Variants in KBTBD12 observed in about 807,000 individuals in gnomAD.
The protein encoded by KBTBD12 is kelch repeat and BTB domain-containing protein 12.
A neutral mutation model predicts 58.7 loss-of-function variants in KBTBD12; 53 were observed. The observed-to-expected ratio is 0.90, with a 90% confidence interval of 0.72 to 1.14. The LOEUF (loss-of-function observed/expected upper bound fraction) is 1.14, where lower values mean the gene tolerates loss of function less well. Among genes scored for constraint, KBTBD12 ranks in the 50% most tolerant of loss-of-function variants. The pLI is 0.00. For missense variants in KBTBD12, 704 were observed against 751.3 expected, an observed-to-expected ratio of 0.94 and a Z score of 0.74; for synonymous variants, 236 against 259.8, an observed-to-expected ratio of 0.91 and a Z score of 0.88.
In KBTBD12 at chr3:127,917,053, T is replaced by G. The variant is rs184117970; in HGVS notation, c.-113+1467T>G. 1.1e-4 allele frequency among the ~76,000 whole-genome samples: 17 copies of G among 152,322 alleles called. No individual in the cohort carries two copies. In the East Asian group the frequency reaches 1.9e-3, roughly 17 times the overall value. Reference sequence around the variant, plus strand: ...TAACCAAGAGGTATGTGGAGACTTCTCCCCATCAGCAACCAATCACTTAGT... The same window carrying G: ...TAACCAAGAGGTATGTGGAGACTTCGCCCCATCAGCAACCAATCACTTAGT... On this transcript the variant is annotated intron_variant, in intron 1 of 5. Transcript: ENST00000405109.
At chr3:127,915,997 C>T (rs1230349711) in intron 1 of KBTBD12, among the ~76,000 whole-genome samples, 3 of 152,326 alleles carry the variant, frequency 2.0e-5, no homozygotes, top group East Asian at 3.9e-4. Flanking sequence ...GTTTAATAAA[C>T]CCTGAATGTA....
chr3:127,963,630 A>AGGGTGTT, intron 5 of KBTBD12: 1 of 457,914 alleles, frequency 2.2e-6, no homozygotes, highest in East Asian at 3.9e-5. Context: ...ACCACCCTGA[A>AGGGTGTT]CACACCTGGT....
chr3:127,949,869 T>C (rs112942438), intron 4 of KBTBD12, among the ~76,000 whole-genome samples: 1,705 of 151,998 alleles, frequency 0.011, 17 homozygotes, highest in Non-Finnish European at 0.015. Flanking sequence ...GGGGAAGGAG[T>C]TGGAAACTGA....
In KBTBD12 at chr3:127,984,233, C is replaced by T. The variant is rs1254229187; in HGVS notation, c.1827C>T (p.Leu609=). 1.9e-6 allele frequency: 3 copies of T among 1,613,966 alleles called. No individual in the cohort carries two copies. The highest frequency in any genetic ancestry group is 1.7e-5 in the Admixed American group (1 of 60,010). ...CLVARMNPRD[L]IPPPSDLVEE... ...TAGCCAGGATGAATCCCCGAGACCT[C>T]ATCCCCCCGCCTTCAGATTTGGTGG... The change falls in exon 6 of 6, where the codon CTC becomes CTT. Residue 609 remains leucine (L), a synonymous_variant. Transcript: ENST00000405109.
intron 5 of KBTBD12, among the ~76,000 whole-genome samples, chr3:127,967,959 C>T (rs2107612680): frequency 6.6e-6 from 1 of 152,262 alleles, no homozygotes; most frequent in South Asian, 2.1e-4. Flanking sequence ...ATCTCCACAG[C>T]AAAGAGCAGG....
At chr3:127,959,979 G>C (rs1425482544) in intron 4 of KBTBD12, among the ~76,000 whole-genome samples, 1 of 152,186 alleles carries the variant, frequency 6.6e-6, no homozygotes, top group African/African-American at 2.4e-5. Context: ...CCCTAAGACT[G>C]GTTTAGCACG....
rs981511862 is a variant in KBTBD12, at chr3:127,923,969, C to T, written c.908C>T (p.Pro303Leu). The part of the protein sequence containing the change: ...SYGDASFCYD[P>L]VSRKTYFISS... Reference sequence around the variant, plus strand: ...GGGGATGCCAGTTTTTGTTATGATCCTGTATCACGGAAAACCTATTTCATC... The same window carrying T: ...GGGGATGCCAGTTTTTGTTATGATCTTGTATCACGGAAAACCTATTTCATC... Residue 303 changes from proline (P) to leucine (L), a missense_variant, in exon 2 of 6, where the codon CCT becomes CTT. By Grantham distance (98) the Pro-to-Leu change is moderately conservative. Coordinates refer to ENST00000405109, the MANE Select transcript of KBTBD12 (RefSeq NM_207335.4). 3.7e-6 allele frequency: 6 copies of T among 1,613,872 alleles called. No homozygotes were observed. Among genetic ancestry groups the T allele is most frequent in the Non-Finnish European group, 5.1e-6 (6 of 1,179,826 alleles).
intron 4 of KBTBD12, among the ~76,000 whole-genome samples, chr3:127,959,404 C>T (rs1940385747): frequency 6.6e-6 from 1 of 152,224 alleles, no homozygotes; most frequent in Non-Finnish European, 1.5e-5. Flanking sequence ...CTGCCCATTC[C>T]TCAGCCCTTT....
chr3:127,928,936 T>A (rs1006990643), intron 3 of KBTBD12, among the ~76,000 whole-genome samples: 1 of 152,184 alleles, frequency 6.6e-6, no homozygotes, highest in Non-Finnish European at 1.5e-5. Context: ...CACATTTAAT[T>A]TTTTCTGCTA....
intron 4 of KBTBD12, among the ~76,000 whole-genome samples, chr3:127,962,157 G>A (rs1375354773): frequency 2.0e-5 from 3 of 152,180 alleles, no homozygotes; most frequent in Non-Finnish European, 4.4e-5. Flanking sequence ...TGAGGTCATC[G>A]ATGAGAGGCG....
At chr3:127,952,046 T>A (rs1020896780) in intron 4 of KBTBD12, among the ~76,000 whole-genome samples, 1 of 152,202 alleles carries the variant, frequency 6.6e-6, no homozygotes, top group African/African-American at 2.4e-5. Context: ...TCTGATTACA[T>A]TTTTAACAAG....
At chr3:127,970,131 A>G (rs1408724247) in intron 5 of KBTBD12, among the ~76,000 whole-genome samples, 1 of 152,226 alleles carries the variant, frequency 6.6e-6, no homozygotes, top group Non-Finnish European at 1.5e-5. Flanking sequence ...TAATGGACAA[A>G]GGAACAGAAT....
At chr3:127,937,903 T>G (rs891059781) in intron 4 of KBTBD12, among the ~76,000 whole-genome samples, 2 of 152,164 alleles carry the variant, frequency 1.3e-5, no homozygotes, top group Non-Finnish European at 2.9e-5. Flanking sequence ...AAATTGCATG[T>G]TTAATGTGCT....
At chr3:127,952,656 G>T (rs1441761293) in intron 4 of KBTBD12, among the ~76,000 whole-genome samples, 1 of 152,162 alleles carries the variant, frequency 6.6e-6, no homozygotes, top group Non-Finnish European at 1.5e-5. Context: ...AAAATTCAAG[G>T]TCTTTTATCA....
rs1219799041 is a variant in KBTBD12, at chr3:127,915,479, T to G, written c.-220T>G. 1 of 152,388 alleles carries G rather than the reference T, an allele frequency of 6.6e-6. No individual in the cohort carries two copies. The highest frequency in any genetic ancestry group is 1.5e-5 in the Non-Finnish European group (1 of 68,186). The allele number at this position is 152,388 out of a possible 1,614,324, so 9.4% of individuals were successfully genotyped here. ...TCGCCCAGCCAGCACAGGCCCATAT[T>G]GGGCAGTGGCCTCAGTCAGGCCCGC... On this transcript the variant is annotated 5_prime_UTR_variant, in exon 1 of 6. In the 5' UTR this introduces an upstream ATG that the reference lacks. Transcript: ENST00000405109.
chr3:127,955,482 AT>A (rs1940300718), intron 4 of KBTBD12, among the ~76,000 whole-genome samples: 1 of 152,226 alleles, frequency 6.6e-6, no homozygotes. Flanking sequence ...TTGTGGTAAG[AT>A]TTTACCCTTT....
At position 127,928,022 on chromosome 3, in the gene KBTBD12, C is replaced by CT; in HGVS notation, c.1330dup (p.Trp444LeufsTer9). ...ATAATAAACTTTATGTAATTGGAGG[C>CT]TGGACCCCTCAGGTTAAGAAATTTC... On this transcript the variant is annotated frameshift_variant, in exon 3 of 6. Transcript: ENST00000405109. LOFTEE classifies it high-confidence loss of function. 6.2e-7 allele frequency: 1 copy of CT among 1,613,280 alleles called. No homozygotes were observed. The highest frequency in any genetic ancestry group is 8.5e-7 in the Non-Finnish European group (1 of 1,179,506).
chr3:127,945,666 T>G (rs1940065636), intron 4 of KBTBD12, among the ~76,000 whole-genome samples: 1 of 148,472 alleles, frequency 6.7e-6, no homozygotes, highest in Non-Finnish European at 1.5e-5. Context: ...TGAACTGGTC[T>G]TCTTATTTTC....
intron 4 of KBTBD12, among the ~76,000 whole-genome samples, chr3:127,955,016 C>T: frequency 6.6e-6 from 1 of 152,208 alleles, no homozygotes; most frequent in East Asian, 1.9e-4. Context: ...TTTTACTCAT[C>T]TCTGTGTGTC....
Sources: allele counts gnomAD v4.1 joint callset (sites outside exome capture counted in the v4.1 genomes callset), GRCh38; gene constraint gnomAD v4.1.1; transcripts MANE v1.5; gene names NCBI Gene and HGNC (gene_info 2026-07-23, HGNC 2026-07-21).